Variants in NALCN observed in about 807,000 individuals in gnomAD.
The protein encoded by NALCN is sodium leak channel, non-selective, also known as sodium leak channel NALCN.
Under a neutral mutation model 225.3 loss-of-function variants are expected in NALCN, and 111 were observed. The observed-to-expected ratio is 0.49, with a 90% CI of 0.42 to 0.58. The LOEUF is 0.58. NALCN is among the 20% of genes least tolerant of loss of function. The pLI, the probability that NALCN is intolerant of heterozygous loss-of-function variation, is 0.00. For synonymous variants in NALCN, 764 were observed against 769.0 expected, an observed-to-expected ratio of 0.99 and a Z score of 0.11; for missense variants, 1,378 against 2,202.4, an observed-to-expected ratio of 0.63 and a Z score of 7.49.
intron 17 of NALCN, among the ~76,000 whole-genome samples, chr13:101,136,559 G>T (rs1367863457): frequency 2.0e-5 from 3 of 151,358 alleles, no homozygotes; most frequent in Non-Finnish European, 2.9e-5. Flanking sequence ...GCAGTATTTG[G>T]TTTTTTGTCC....
rs550169499 is a variant in NALCN at position 101,224,590 on chromosome 13, C to T, written c.1626+4803G>A. Among the ~76,000 whole-genome samples the T allele has an allele frequency of 1.4e-4, 21 of 152,254 alleles. No homozygotes were observed. In the East Asian group the frequency reaches 4.1e-3, roughly 29 times the overall value. Reference sequence around the variant, plus strand: ...ATATGCTTATCGCTGTCTTCCTCAGCTTACACAGCCCTTCCTACACCCCTT... The same window carrying T: ...ATATGCTTATCGCTGTCTTCCTCAGTTTACACAGCCCTTCCTACACCCCTT... On this transcript the variant is annotated intron_variant, in intron 13 of 43. Transcript: ENST00000251127.
chr13:101,214,427 T>G (rs2040649825), intron 13 of NALCN, among the ~76,000 whole-genome samples: 1 of 152,134 alleles, frequency 6.6e-6, no homozygotes, highest in Non-Finnish European at 1.5e-5. Flanking sequence ...ACATGTACCC[T>G]AGAACTTAAA....
At chr13:101,133,530 A>G (rs1407863115) in intron 17 of NALCN, among the ~76,000 whole-genome samples, 3 of 152,260 alleles carry the variant, frequency 2.0e-5, no homozygotes, top group Non-Finnish European at 4.4e-5. Context: ...AATAAAATAT[A>G]GTAATTGGGA....
intron 12 of NALCN, among the ~76,000 whole-genome samples, chr13:101,231,774 C>T (rs1441342131): frequency 6.6e-6 from 1 of 152,234 alleles, no homozygotes; most frequent in African/African-American, 2.4e-5. Flanking sequence ...TTAATTTTTA[C>T]ATGTCTAAAA....
chr13:101,270,538 A>T (rs1441133697), intron 10 of NALCN, among the ~76,000 whole-genome samples: 1 of 152,228 alleles, frequency 6.6e-6, no homozygotes, highest in Admixed American at 6.5e-5. Flanking sequence ...TGTGATATTT[A>T]ATAAATGCAT....
chr13:101,314,836 C>T (rs954198318), intron 7 of NALCN, among the ~76,000 whole-genome samples: 5 of 152,132 alleles, frequency 3.3e-5, no homozygotes, highest in Non-Finnish European at 7.3e-5. Context: ...TTGTATTTAA[C>T]GTGTCATTTG....
chr13:101,196,032 T>C (rs562958240), intron 13 of NALCN, among the ~76,000 whole-genome samples: 28 of 152,164 alleles, frequency 1.8e-4, no homozygotes, highest in Non-Finnish European at 4.1e-4. Context: ...GGCCAGGTAA[T>C]GTTCTAAAAT....
At chr13:101,073,738 C>A in intron 36 of NALCN, 61 bp from the exon 37 acceptor site, 3 of 1,422,442 alleles carry the variant, frequency 2.1e-6, no homozygotes, top group Non-Finnish European at 2.9e-6. Flanking sequence ...CATGAAATAG[C>A]ATGGTTTGCC....
chr13:101,107,509 C>T lies in NALCN; in HGVS notation c.2557G>A (p.Val853Met), dbSNP rs776027273. The change falls in exon 22 of 44, where the codon GTG (valine) becomes ATG (methionine). Residue 853 changes from valine to methionine, a missense_variant. Transcript: ENST00000251127. ...EHRFRNFCRV[V>M]VRARFNASKT... ...TACGCGTTGAAGCGTGCTCGGACCA[C>T]CACCCGGCAAAAGTTTCTGAACCTG... 3 of 1,614,020 alleles carry T rather than the reference C, an allele frequency of 1.9e-6. No homozygotes were observed. The highest frequency in any genetic ancestry group is 2.7e-5 in the African/African-American group (2 of 74,938).
intron 4 of NALCN, among the ~76,000 whole-genome samples, chr13:101,377,261 GAAC>G (rs1351782028): frequency 6.6e-6 from 1 of 152,098 alleles, no homozygotes; most frequent in Non-Finnish European, 1.5e-5. Context: ...AAACTAATAA[GAAC>G]AACATTAATC....
chr13:101,183,499 C>T (rs908927969), intron 14 of NALCN, among the ~76,000 whole-genome samples: 4 of 151,814 alleles, frequency 2.6e-5, no homozygotes, highest in Non-Finnish European at 5.9e-5. Context: ...TCTCTCTGTC[C>T]CCCAGGCTGG....
intron 6 of NALCN, among the ~76,000 whole-genome samples, chr13:101,365,779 G>C (rs1220155277): frequency 6.6e-6 from 1 of 152,120 alleles, no homozygotes; most frequent in Non-Finnish European, 1.5e-5. Flanking sequence ...TGTGATGTGT[G>C]ATCACCCTAC....
At chr13:101,326,471 G>A (rs946025) in intron 7 of NALCN, among the ~76,000 whole-genome samples, 41,980 of 152,062 alleles carry the variant, frequency 0.28, 6,162 homozygotes, top group Non-Finnish European at 0.33. Context: ...CTACTTCCCA[G>A]ACGACTACCT....
intron 14 of NALCN, among the ~76,000 whole-genome samples, chr13:101,185,614 G>C (rs890984379): frequency 6.6e-6 from 1 of 152,246 alleles, no homozygotes; most frequent in African/African-American, 2.4e-5. Flanking sequence ...GCGGAAGAGA[G>C]AGATGTTTGA....
intron 3 of NALCN, among the ~76,000 whole-genome samples, chr13:101,382,110 T>C (rs940368719): frequency 6.6e-6 from 1 of 152,160 alleles, no homozygotes; most frequent in African/African-American, 2.4e-5. Flanking sequence ...ACTATTTTAT[T>C]TCATTTTTGT....
chr13:101,183,097 C>T (rs573595152), intron 14 of NALCN, among the ~76,000 whole-genome samples: 1 of 152,280 alleles, frequency 6.6e-6, no homozygotes, highest in South Asian at 2.1e-4. Context: ...AACCATTTTT[C>T]AGTTCTCTGA....
rs572824486 is a variant in NALCN, at chr13:101,180,958, C to T, written c.1765-4584G>A. 82 of 430,944 alleles carry T rather than the reference C, an allele frequency of 1.9e-4. 1 individual carries two copies. The highest frequency in any genetic ancestry group is 1.3e-3 in the South Asian group (75 of 56,296). The allele number at this position is 430,944 out of a possible 1,614,324, so 26.7% of individuals were successfully genotyped here. On this transcript the variant is annotated intron_variant, in intron 14 of 43. Transcript: ENST00000251127. The stretch of plus-strand genomic sequence containing the variant: ...GGAGAGCGGATGGGAAGGGCGGCCA[C>T]GCAAGTGTGAAGAAGGAGGACCAGA...
intron 1 of NALCN, among the ~76,000 whole-genome samples, chr13:101,412,270 G>A (rs759291889): frequency 4.6e-5 from 7 of 152,170 alleles, no homozygotes; most frequent in Non-Finnish European, 7.4e-5. Flanking sequence ...AACATTTATT[G>A]GTGTGTCTCT....
At chr13:101,390,376 G>C (rs1314472166) in intron 3 of NALCN, among the ~76,000 whole-genome samples, 2 of 151,984 alleles carry the variant, frequency 1.3e-5, no homozygotes, top group Non-Finnish European at 2.9e-5. Context: ...TGAGGGGACA[G>C]CATGAGGAGT....
Sources: allele counts gnomAD v4.1 joint callset (sites outside exome capture counted in the v4.1 genomes callset), GRCh38; gene constraint gnomAD v4.1.1; transcripts MANE v1.5; gene names NCBI Gene and HGNC (gene_info 2026-07-23, HGNC 2026-07-21).